SARNP: variants seen among roughly 807,000 people sequenced by gnomAD.
SARNP encodes SAP domain-containing ribonucleoprotein.
A neutral mutation model predicts 38.1 loss-of-function variants in SARNP; 5 were observed. That is an observed-to-expected ratio of 0.13 (90% CI 0.07 to 0.28). The LOEUF is 0.28. Ranked by LOEUF, SARNP falls within the 10% of genes least tolerant of loss-of-function variation. The pLI is 1.00. For missense variants in SARNP, 180 were observed against 243.9 expected (o/e 0.74, Z 1.75); for synonymous variants, 84 against 80.6 (o/e 1.04, Z -0.23).
At chr12:55,815,062 C>G (rs566783324) in intron 1 of SARNP, among the ~76,000 whole-genome samples, 4 of 151,576 alleles carry the variant, frequency 2.6e-5, no homozygotes, top group Non-Finnish European at 4.4e-5. Flanking sequence ...TTTTTATTTT[C>G]TTTTTTTTGA....
intron 1 of SARNP, among the ~76,000 whole-genome samples, chr12:55,804,222 T>C (rs1880068474): frequency 6.6e-6 from 1 of 152,292 alleles, no homozygotes; most frequent in South Asian, 2.1e-4. Flanking sequence ...CATTAGCTAA[T>C]GTGAACAATG....
At chr12:55,781,520 C>T (rs1408274160) in intron 9 of SARNP, among the ~76,000 whole-genome samples, 3 of 143,596 alleles carry the variant, frequency 2.1e-5, no homozygotes, top group African/African-American at 5.2e-5. Context: ...GGCAAAAGAG[C>T]GAAACTCCGT....
Position 55,803,678 on chromosome 12 carries a change from T to C in SARNP, c.87A>G (p.Gly29=). 1 of 1,613,632 alleles carries C rather than the reference T, an allele frequency of 6.2e-7. No individual in the cohort carries two copies. Among genetic ancestry groups the C allele is most frequent in the Non-Finnish European group, 8.5e-7 (1 of 1,179,664 alleles). ...GTCTGTGGATAAGATCTTGCTTTATTCCCTTGGTCTCCAAACCACGAGCAA... is the reference window on the plus strand; with the variant it reads ...GTCTGTGGATAAGATCTTGCTTTATCCCCTTGGTCTCCAAACCACGAGCAA... The part of the protein sequence containing the change: ...ECLARGLETK[G]IKQDLIHRLQ... The change falls in exon 2 of 11, where the codon GGA becomes GGG. Residue 29 remains glycine (G), a synonymous_variant. Transcript: ENST00000336133.
At chr12:55,787,733 A>AC (rs1334770648) in intron 9 of SARNP, among the ~76,000 whole-genome samples, 3 of 141,438 alleles carry the variant, frequency 2.1e-5, no homozygotes, top group African/African-American at 8.0e-5. Context: ...TGCTCGACTG[A>AC]TTTTTTTCTT....
intron 1 of SARNP, 38 bp from the exon 2 acceptor site, chr12:55,803,766 G>C (rs1324472484): frequency 1.5e-6 from 2 of 1,354,324 alleles, no homozygotes; most frequent in Non-Finnish European, 2.1e-6. Context: ...TTAGTTAACA[G>C]GATGAACACC....
chr12:55,809,670 G>A (rs1880266169), intron 1 of SARNP, among the ~76,000 whole-genome samples: 1 of 151,274 alleles, frequency 6.6e-6, no homozygotes, highest in Non-Finnish European at 1.5e-5. Flanking sequence ...TTGAGTCCAG[G>A]AGGTTGAGGC....
chr12:55,764,106 C>T (rs1878755431), intron 9 of SARNP, among the ~76,000 whole-genome samples: 1 of 152,162 alleles, frequency 6.6e-6, no homozygotes, highest in Non-Finnish European at 1.5e-5. Flanking sequence ...TACCATATAC[C>T]TACAATTTAT....
chr12:55,796,725 G>C (rs1054128420), intron 4 of SARNP, among the ~76,000 whole-genome samples: 1 of 151,830 alleles, frequency 6.6e-6, no homozygotes, highest in African/African-American at 2.4e-5. Context: ...TTGAACTAAT[G>C]AGTAACCCTC....
At chr12:55,793,354 GA>G (rs1160184869) in intron 7 of SARNP, 1 of 152,138 alleles carries the variant, frequency 6.6e-6, no homozygotes, top group Non-Finnish European at 1.5e-5. Context: ...TAATAACACA[GA>G]CAAGCAAAAA....
At chr12:55,802,411 A>C (rs1880005991) in intron 2 of SARNP, among the ~76,000 whole-genome samples, 1 of 152,068 alleles carries the variant, frequency 6.6e-6, no homozygotes, top group South Asian at 2.1e-4. Flanking sequence ...CTGAAAATTC[A>C]AAACCTAAAA....
At chr12:55,805,123 G>A (rs988221086) in intron 1 of SARNP, among the ~76,000 whole-genome samples, 5 of 152,108 alleles carry the variant, frequency 3.3e-5, no homozygotes, top group African/African-American at 1.2e-4. Context: ...TTAGCCAGGC[G>A]TGGTGGCAGG....
intron 10 of SARNP, 148 bp downstream of exon 10, chr12:55,760,403 T>C (rs1878639033): frequency 3.4e-6 from 2 of 591,350 alleles, no homozygotes; most frequent in Non-Finnish European, 6.0e-6. Flanking sequence ...TTATTCACTC[T>C]CACTTCCTGG....
At chr12:55,773,974 C>T (rs1006866539) in intron 9 of SARNP, among the ~76,000 whole-genome samples, 1 of 152,024 alleles carries the variant, frequency 6.6e-6, no homozygotes, top group Non-Finnish European at 1.5e-5. Flanking sequence ...TCCCAAAATG[C>T]TAGGATTACA....
intron 10 of SARNP, among the ~76,000 whole-genome samples, chr12:55,758,734 C>T (rs1878589423): frequency 6.6e-6 from 1 of 152,066 alleles, no homozygotes; most frequent in Admixed American, 6.6e-5. Context: ...TGTTTAAGGC[C>T]TTCCACCATG....
Position 55,757,491 on chromosome 12 carries a change from G to A in SARNP, c.*21C>T. 1.3e-6 allele frequency: 2 copies of A among 1,599,678 alleles called. No individual in the cohort carries two copies. The highest frequency in any genetic ancestry group is 4.5e-5 in the East Asian group (2 of 44,672). ...GAGAAATGGAAAACACTGGAGAACA[G>A]AAAGTATCAGGAACTTTTCATCAGG... On this transcript the variant is annotated 3_prime_UTR_variant, in exon 11 of 11. Transcript: ENST00000336133.
In SARNP at chr12:55,790,608, A is replaced by C. The variant is rs374520829; in HGVS notation, c.407-16T>G. Reference sequence around the variant, plus strand: ...GATGACAGACCTAAGGAAGTAAATAAAGTTTTATTTAATATTTTTAAAAGT... The same window carrying C: ...GATGACAGACCTAAGGAAGTAAATACAGTTTTATTTAATATTTTTAAAAGT... On this transcript the variant is annotated splice_polypyrimidine_tract_variant and intron_variant, in intron 7 of 10. Coordinates refer to ENST00000336133, the MANE Select transcript of SARNP (RefSeq NM_033082.4). The C allele has an allele frequency of 1.5e-5, 23 of 1,501,710 alleles. 1 individual carries two copies. Among genetic ancestry groups the C allele is most frequent in the Non-Finnish European group, 2.0e-5 (22 of 1,122,518 alleles). 93.0% of individuals were successfully genotyped at this position (1,501,710 alleles called of 1,614,324 possible). A position where few individuals can be genotyped will look rare whatever the true frequency, so the allele number is the denominator to read the frequency against.
chr12:55,777,748 C>A (rs563925452), intron 9 of SARNP, among the ~76,000 whole-genome samples: 1 of 152,004 alleles, frequency 6.6e-6, no homozygotes, highest in Non-Finnish European at 1.5e-5. Flanking sequence ...ACACTGGCTA[C>A]GTAAAAAGTA....
chr12:55,781,016 T>G (rs779532899), intron 9 of SARNP, among the ~76,000 whole-genome samples: 5 of 152,216 alleles, frequency 3.3e-5, no homozygotes, highest in Non-Finnish European at 7.3e-5. Context: ...CACATCCCAA[T>G]GGCTAACCTC....
At chr12:55,791,245 G>A (rs182928600) in intron 7 of SARNP, among the ~76,000 whole-genome samples, 9 of 152,242 alleles carry the variant, frequency 5.9e-5, no homozygotes, top group South Asian at 4.1e-4. Flanking sequence ...TGATAAGCAC[G>A]GTGATGATGG....
Sources: allele counts gnomAD v4.1 joint callset (sites outside exome capture counted in the v4.1 genomes callset), GRCh38; gene constraint gnomAD v4.1.1; transcripts MANE v1.5; gene names NCBI Gene and HGNC (gene_info 2026-07-23, HGNC 2026-07-21).